Variants in HIBADH observed in about 807,000 individuals in gnomAD.
The protein encoded by HIBADH is 3-hydroxyisobutyrate dehydrogenase.
HIBADH carries 25 observed loss-of-function variants against 36.1 expected under a neutral mutation model. The observed-to-expected ratio is 0.69, with a 90% CI of 0.50 to 0.97. The LOEUF (loss-of-function observed/expected upper bound fraction) is 0.97. HIBADH is among the 50% of genes least tolerant of loss of function. The probability of loss-of-function intolerance (pLI) is 0.00; values close to 1 mark genes in which losing one functional copy is unlikely to be tolerated. For missense variants in HIBADH, 421 were observed against 418.0 expected (o/e 1.01, Z -0.06); for synonymous variants, 160 against 149.5 (o/e 1.07, Z -0.51).
chr7:27,625,109 T>C (rs1372902228), intron 4 of HIBADH, among the ~76,000 whole-genome samples: 1 of 152,224 alleles, frequency 6.6e-6, no homozygotes, highest in Non-Finnish European at 1.5e-5. Context: ...ATACATTTTA[T>C]GTACTGCACA....
chr7:27,535,469 C>G (rs967437577), intron 6 of HIBADH, among the ~76,000 whole-genome samples: 3 of 152,126 alleles, frequency 2.0e-5, no homozygotes, highest in African/African-American at 7.2e-5. Flanking sequence ...ACAGTGGTTG[C>G]TGGAGGAGCC....
At position 27,662,863 on chromosome 7, in the gene HIBADH, G is replaced by C. The variant is rs1400955924; in HGVS notation, c.-75C>G. The C allele has an allele frequency of 4.2e-6, 5 of 1,184,612 alleles. No individual in the cohort carries two copies. The highest frequency in any genetic ancestry group is 5.6e-6 in the Non-Finnish European group (5 of 897,318). The allele number at this position is 1,184,612 out of a possible 1,614,324, so 73.4% of individuals were successfully genotyped here. A position where few individuals can be genotyped will look rare whatever the true frequency, so the allele number is the denominator to read the frequency against. ...CCCACAGACTGCGAGCGTGTGCAGC[G>C]GGACTGGCTGGCTCGCCCACGGAGA... On this transcript the variant is annotated 5_prime_UTR_variant, in exon 1 of 8. Transcript: ENST00000265395.
intron 1 of HIBADH, among the ~76,000 whole-genome samples, chr7:27,654,695 G>GT (rs1222748174): frequency 6.3e-5 from 4 of 63,648 alleles, no homozygotes; most frequent in African/African-American, 3.8e-4. Context: ...CCATTTTTTT[G>GT]TGTTTTTTTT....
At chr7:27,542,920 G>A (rs774179352) in intron 5 of HIBADH, 47 bp downstream of exon 5, 1 of 1,578,174 alleles carries the variant, frequency 6.3e-7, no homozygotes, top group East Asian at 2.3e-5. Flanking sequence ...AGGAACATTA[G>A]TCAATTTTAC....
At chr7:27,597,814 C>A (rs1331112663) in intron 4 of HIBADH, among the ~76,000 whole-genome samples, 1 of 152,040 alleles carries the variant, frequency 6.6e-6, no homozygotes, top group Non-Finnish European at 1.5e-5. Flanking sequence ...GTTTCAGATC[C>A]AAGATCAAAT....
chr7:27,564,193 T>C (rs6958467), intron 4 of HIBADH, among the ~76,000 whole-genome samples: 114,175 of 152,108 alleles, frequency 0.75, 43,215 homozygotes, highest in East Asian at 0.94. Flanking sequence ...CCACCGTGCC[T>C]GGCCGTTAAT....
At chr7:27,620,822 T>C (rs1021426532) in intron 4 of HIBADH, among the ~76,000 whole-genome samples, 4 of 151,524 alleles carry the variant, frequency 2.6e-5, no homozygotes, top group Non-Finnish European at 5.9e-5. Flanking sequence ...AGAAACAAAA[T>C]ATATAACACC....
At chr7:27,609,498 T>C (rs73285189) in intron 4 of HIBADH, among the ~76,000 whole-genome samples, 6,993 of 152,242 alleles carry the variant, frequency 0.046, 518 homozygotes, top group African/African-American at 0.16. Flanking sequence ...GGATACTTTA[T>C]GGATACAGAG....
chr7:27,541,549 T>C (rs559565657), intron 5 of HIBADH, among the ~76,000 whole-genome samples: 3 of 152,334 alleles, frequency 2.0e-5, no homozygotes, highest in East Asian at 3.9e-4. Context: ...ATTCTTTTCT[T>C]TGTTTACAAT....
In HIBADH at chr7:27,649,522, T is replaced by C; in HGVS notation, c.203A>G (p.Tyr68Cys). 6.2e-7 allele frequency: 1 copy of C among 1,613,978 alleles called. No homozygotes were observed. The highest frequency in any genetic ancestry group is 8.5e-7 in the Non-Finnish European group (1 of 1,179,904). The change falls in exon 2 of 8, where the codon TAT becomes TGT. Residue 68 changes from tyrosine (Y) to cysteine (C), a missense_variant. Transcript: ENST00000265395. ...TTTGCAGGCATCAGGGAACACATCA[T>C]AAATAATAAGTGGATAGCCATGTTT... ...LMKHGYPLII[Y>C]DVFPDACKEF...
At chr7:27,608,441 A>G (rs1785268838) in intron 4 of HIBADH, among the ~76,000 whole-genome samples, 1 of 152,216 alleles carries the variant, frequency 6.6e-6, no homozygotes, top group Non-Finnish European at 1.5e-5. Context: ...ACATAGAAAG[A>G]CAGACTTAAA....
intron 2 of HIBADH, among the ~76,000 whole-genome samples, chr7:27,639,850 A>G (rs1364849627): frequency 6.6e-6 from 1 of 152,256 alleles, no homozygotes; most frequent in Non-Finnish European, 1.5e-5. Context: ...AAAGGCATAA[A>G]CAAGCTATTA....
rs113084007 is a variant in HIBADH at position 27,645,844 on chromosome 7, C to T, written c.252+3629G>A. On this transcript the variant is annotated intron_variant, in intron 2 of 7. Transcript: ENST00000265395. Reference sequence around the variant, plus strand: ...GCGTTGTAAGACTTCTTCATATATTCTAGATACAAATTCCTTATCAGATAT... The same window carrying T: ...GCGTTGTAAGACTTCTTCATATATTTTAGATACAAATTCCTTATCAGATAT... 2.6e-4 allele frequency among the ~76,000 whole-genome samples: 39 copies of T among 152,248 alleles called. 1 individual carries two copies. Among genetic ancestry groups the T allele is most frequent in the African/African-American group, 8.9e-4 (37 of 41,542 alleles).
chr7:27,568,279 T>C (rs1156976580), intron 4 of HIBADH, among the ~76,000 whole-genome samples: 1 of 152,232 alleles, frequency 6.6e-6, no homozygotes, highest in African/African-American at 2.4e-5. Context: ...CTCTATTTCA[T>C]CTTCATTCCT....
intron 3 of HIBADH, among the ~76,000 whole-genome samples, chr7:27,630,724 G>A (rs1785732781): frequency 6.6e-6 from 1 of 151,988 alleles, no homozygotes; most frequent in South Asian, 2.1e-4. Context: ...AACATAGCAA[G>A]ACCTCGTCTA....
rs375282555 is a variant in HIBADH, at chr7:27,646,799, G to A, written c.252+2674C>T. Among the ~76,000 whole-genome samples, 29 of 147,432 alleles carry A rather than the reference G, an allele frequency of 2.0e-4. No individual in the cohort carries two copies. In the East Asian group the frequency reaches 3.5e-3, roughly 18 times the overall value. On this transcript the variant is annotated intron_variant, in intron 2 of 7. Transcript: ENST00000265395. ...CAACCTCCGCCTCCTGGACTCAAGCGATTCTCATGTCTCAGCCTCCCAAGT... is the reference window on the plus strand; with the variant it reads ...CAACCTCCGCCTCCTGGACTCAAGCAATTCTCATGTCTCAGCCTCCCAAGT...
chr7:27,567,928 T>A (rs1784571736), intron 4 of HIBADH, among the ~76,000 whole-genome samples: 1 of 152,204 alleles, frequency 6.6e-6, no homozygotes, highest in South Asian at 2.1e-4. Flanking sequence ...TGATTTTCCA[T>A]GGGGCTACAT....
chr7:27,616,689 C>T (rs990868661), intron 4 of HIBADH, among the ~76,000 whole-genome samples: 2 of 152,022 alleles, frequency 1.3e-5, no homozygotes, highest in African/African-American at 2.4e-5. Context: ...CTTGAACTTC[C>T]GGGCTCAAGT....
intron 6 of HIBADH, among the ~76,000 whole-genome samples, chr7:27,533,425 C>T (rs535311470): frequency 2.6e-5 from 4 of 152,210 alleles, no homozygotes; most frequent in African/African-American, 7.2e-5. Context: ...GCTTCCCCAC[C>T]GTGCTGATTC....
Sources: gnomAD v4.1 joint callset for allele counts (sites outside exome capture counted in the v4.1 genomes callset) on GRCh38, gnomAD v4.1.1 for gene constraint, MANE v1.5 for transcripts, NCBI Gene and HGNC (gene_info 2026-07-23, HGNC 2026-07-21) for gene names.